Variants in PCDHGA2 observed in about 807,000 individuals in gnomAD.
The protein encoded by PCDHGA2 is protocadherin gamma-A2.
A neutral mutation model predicts 59.2 loss-of-function variants in PCDHGA2; 40 were observed. The observed-to-expected ratio is 0.68, with a 90% CI of 0.52 to 0.88. The LOEUF (loss-of-function observed/expected upper bound fraction) is 0.88, where lower values mean the gene tolerates loss of function less well. Among genes scored for constraint, PCDHGA2 ranks in the 40% least tolerant of loss-of-function variants. The pLI is 0.00. For synonymous variants in PCDHGA2, 560 were observed against 526.0 expected (o/e 1.06, Z -0.89); for missense variants, 1,226 against 1,204.0 (o/e 1.02, Z -0.27).
intron 1 of PCDHGA2, chr5:141,365,318 A>G (rs1588611764): frequency 1.2e-6 from 2 of 1,613,922 alleles, no homozygotes; most frequent in East Asian, 2.2e-5. Flanking sequence ...TCTTGTTGCC[A>G]GCGCTAAGGT....
chr5:141,356,775 T>A, intron 1 of PCDHGA2: 1 of 1,613,974 alleles, frequency 6.2e-7, no homozygotes, highest in South Asian at 1.1e-5. Flanking sequence ...ATGAGCAGTT[T>A]AGAGACCTGC....
chr5:141,423,514 G>T (rs1208270970), intron 1 of PCDHGA2: 2 of 1,613,812 alleles, frequency 1.2e-6, no homozygotes, highest in Non-Finnish European at 1.7e-6. Flanking sequence ...TCTCATTGCG[G>T]ACTCGCAGAA....
rs1358954122 is a variant in PCDHGA2, at chr5:141,491,553, C to T, written c.2425-3254C>T. On this transcript the variant is annotated intron_variant, in intron 1 of 3. Coordinates refer to ENST00000394576, the MANE Select transcript of PCDHGA2 (RefSeq NM_018915.4). This position sits in a 1 kb window ranked among gnomAD's most constrained non-coding sequence, Gnocchi z 6.9. ...CGCTGCGGCCCACAGACTCGCAGAG[C>T]CACTGCTACAGGACGTGCTTTTCAC... The T allele has an allele frequency of 6.2e-7, 1 of 1,613,954 alleles. No homozygotes were observed.
At position 141,395,404 on chromosome 5, in the gene PCDHGA2, T is replaced by G. The variant is rs1482913976; in HGVS notation, c.2424+54009T>G. 24 of 836,172 alleles carry G rather than the reference T, an allele frequency of 2.9e-5. No homozygotes were observed. The East Asian group carries it at 6.2e-4, about 21-fold the overall frequency. 51.8% of individuals were successfully genotyped at this position (836,172 alleles called of 1,614,324 possible). A position where few individuals can be genotyped will look rare whatever the true frequency, so the allele number is the denominator to read the frequency against. ...CTATAAAATTGAACTCTAATAGTCA[T>G]AGGTTATTGTTTCATTTGCTTTTAA... On this transcript the variant is annotated intron_variant, in intron 1 of 3. Transcript: ENST00000394576.
At position 141,432,818 on chromosome 5, in the gene PCDHGA2, T is replaced by C. The variant is rs370597280; in HGVS notation, c.2425-61989T>C. On this transcript the variant is annotated intron_variant, in intron 1 of 3. Transcript: ENST00000394576. This position sits in a 1 kb window ranked among gnomAD's most constrained non-coding sequence, Gnocchi z 6.0. The stretch of plus-strand genomic sequence containing the variant: ...CGAGTCTCCAGCTAACTCTGAAACC[T>C]CAGACCTCACTCTGTACCTGGTGGT... 9.9e-6 allele frequency: 16 copies of C among 1,614,106 alleles called. No individual in the cohort carries two copies. The highest frequency in any genetic ancestry group is 1.4e-5 in the Non-Finnish European group (16 of 1,179,986).
intron 1 of PCDHGA2, among the ~76,000 whole-genome samples, chr5:141,450,259 C>A (rs1243327669): frequency 6.6e-6 from 1 of 152,118 alleles, no homozygotes; most frequent in East Asian, 1.9e-4. Context: ...CTCAAGTGAT[C>A]TGCCCACCTC....
chr5:141,501,831 C>G (rs1246452764), intron 2 of PCDHGA2, among the ~76,000 whole-genome samples: 1 of 152,176 alleles, frequency 6.6e-6, no homozygotes, highest in African/African-American at 2.4e-5. Context: ...GCCCACCCAC[C>G]TGTTTGGCCC....
intron 1 of PCDHGA2, chr5:141,357,624 G>A (rs1416419073): frequency 1.2e-6 from 2 of 1,613,660 alleles, no homozygotes; most frequent in South Asian, 2.2e-5. Context: ...ATCTTCAGGT[G>A]AGTCAATCTT....
intron 1 of PCDHGA2, among the ~76,000 whole-genome samples, chr5:141,420,727 G>C (rs1454487477): frequency 2.0e-5 from 3 of 152,180 alleles, no homozygotes; most frequent in African/African-American, 7.2e-5. Flanking sequence ...CTTTCAGTCG[G>C]TTAAAATCAA....
intron 1 of PCDHGA2, among the ~76,000 whole-genome samples, chr5:141,451,067 A>G (rs948528671): frequency 6.6e-6 from 1 of 151,848 alleles, no homozygotes; most frequent in African/African-American, 2.4e-5. Flanking sequence ...TGACCTTGTG[A>G]TCCACCCACC....
chr5:141,499,565 C>CTTATCTTGT (rs2099792732), intron 2 of PCDHGA2, among the ~76,000 whole-genome samples: 2 of 152,168 alleles, frequency 1.3e-5, no homozygotes, highest in Non-Finnish European at 2.9e-5. Flanking sequence ...CACTATCCAG[C>CTTATCTTGT]TTCAACTAAT....
At chr5:141,350,723 C>A (rs1394081378) in intron 1 of PCDHGA2, 4 of 1,613,944 alleles carry the variant, frequency 2.5e-6, no homozygotes, top group Non-Finnish European at 3.4e-6. Context: ...GGATTCTGCT[C>A]AAGATGCAGA....
At chr5:141,350,950 G>T (rs781241590) in intron 1 of PCDHGA2, 2 of 1,613,932 alleles carry the variant, frequency 1.2e-6, no homozygotes, top group African/African-American at 1.3e-5. Flanking sequence ...TCCGAGTTAC[G>T]GATGCCAATG....
At chr5:141,441,710 G>A (rs2098266791) in intron 1 of PCDHGA2, 1 of 322,162 alleles carries the variant, frequency 3.1e-6, no homozygotes, top group Non-Finnish European at 6.1e-6. Context: ...TCAAGCTCAC[G>A]CTGCAGGCCC....
intron 1 of PCDHGA2, among the ~76,000 whole-genome samples, chr5:141,472,742 T>C (rs926507203): frequency 2.0e-5 from 3 of 151,762 alleles, no homozygotes; most frequent in Non-Finnish European, 4.4e-5. Flanking sequence ...TCCCAGCACT[T>C]TGGGAGGCGG....
chr5:141,417,760 C>A, intron 1 of PCDHGA2: 1 of 1,438,808 alleles, frequency 7.0e-7, no homozygotes, highest in South Asian at 1.5e-5. Context: ...GCTCCGAGAC[C>A]CGGGACTCCT....
At chr5:141,488,438 C>T (rs2099675393) in intron 1 of PCDHGA2, among the ~76,000 whole-genome samples, 1 of 152,146 alleles carries the variant, frequency 6.6e-6, no homozygotes, top group African/African-American at 2.4e-5. Flanking sequence ...CTCTGACCAC[C>T]CTCCTGGGTG....
intron 1 of PCDHGA2, chr5:141,408,313 T>G (rs375849626): frequency 6.2e-7 from 1 of 1,613,758 alleles, no homozygotes; most frequent in African/African-American, 1.3e-5. Flanking sequence ...GCTACTCGAT[T>G]CCGGAGGAGC....
intron 1 of PCDHGA2, chr5:141,388,760 G>T: frequency 6.2e-7 from 1 of 1,613,930 alleles, no homozygotes; most frequent in Non-Finnish European, 8.5e-7. Flanking sequence ...AATTTGACCT[G>T]AACTCTAACA....
Sources: allele counts gnomAD v4.1 joint callset (sites outside exome capture counted in the v4.1 genomes callset), GRCh38; gene constraint gnomAD v4.1.1; non-coding constraint Gnocchi (gnomAD v3.1); transcripts MANE v1.5; gene names NCBI Gene and HGNC (gene_info 2026-07-23, HGNC 2026-07-21).